Variants in DNAH14 observed in about 807,000 individuals in gnomAD.
DNAH14 encodes dynein axonemal heavy chain 14.
DNAH14 carries 478 observed loss-of-function variants against 520.9 expected under a neutral mutation model. The observed-to-expected ratio is 0.92, with a 90% CI of 0.85 to 0.99. DNAH14 has a LOEUF of 0.99. Ranked by LOEUF, DNAH14 falls within the 50% of genes least tolerant of loss-of-function variation. The pLI, the probability that DNAH14 is intolerant of heterozygous loss-of-function variation, is 0.00. For synonymous variants in DNAH14, 1,581 were observed against 1,757.2 expected, an observed-to-expected ratio of 0.90 and a Z score of 2.51; for missense variants, 4,831 against 5,234.5, an observed-to-expected ratio of 0.92 and a Z score of 2.38.
At chr1:225,095,593 C>T (rs1247373254) in intron 21 of DNAH14, among the ~76,000 whole-genome samples, 1 of 152,154 alleles carries the variant, frequency 6.6e-6, no homozygotes, top group Non-Finnish European at 1.5e-5. Context: ...TACCAAATCC[C>T]TGTGACACGC....
chr1:225,271,891 C>T lies in DNAH14; in HGVS notation c.7672-15C>T. 1.3e-6 allele frequency: 2 copies of T among 1,535,068 alleles called. No homozygotes were observed. Among genetic ancestry groups the T allele is most frequent in the African/African-American group, 2.8e-5 (2 of 72,024 alleles). The stretch of plus-strand genomic sequence containing the variant: ...AAATTTTTGGCAAGCTAAATTATAA[C>T]ATTTCTTTTTAAAGGCTCATTTGGG... On this transcript the variant is annotated splice_polypyrimidine_tract_variant and intron_variant, in intron 50 of 85. Transcript: ENST00000682510.
chr1:225,172,859 T>G (rs976052691), intron 36 of DNAH14, among the ~76,000 whole-genome samples: 5 of 152,284 alleles, frequency 3.3e-5, no homozygotes, highest in African/African-American at 1.2e-4. Context: ...CTTCAAACTA[T>G]ACTACAAGGC....
intron 71 of DNAH14, 120 bp downstream of exon 71, chr1:225,346,774 A>C: frequency 1.5e-6 from 1 of 661,682 alleles, no homozygotes. Context: ...CTTGAGGTCA[A>C]GCACCTCCAC....
chr1:225,153,550 C>G (rs2080722402), intron 33 of DNAH14, among the ~76,000 whole-genome samples, 200 bp from the exon 34 acceptor site: 1 of 151,994 alleles, frequency 6.6e-6, no homozygotes, highest in African/African-American at 2.4e-5. Flanking sequence ...ATTTGTTAGT[C>G]TTTAAGAGTG....
chr1:225,110,611 T>A (rs2076409195), intron 23 of DNAH14, among the ~76,000 whole-genome samples: 1 of 151,882 alleles, frequency 6.6e-6, no homozygotes, highest in African/African-American at 2.4e-5. Context: ...TTCTTTATGT[T>A]TTTTTCTAAA....
chr1:224,991,864 A>T (rs957829835), intron 8 of DNAH14, among the ~76,000 whole-genome samples: 13 of 152,298 alleles, frequency 8.5e-5, no homozygotes, highest in Admixed American at 2.6e-4. Flanking sequence ...AACATACGCG[A>T]AAAAGGTCAA....
intron 42 of DNAH14, among the ~76,000 whole-genome samples, chr1:225,240,024 C>T (rs1201424081): frequency 6.6e-6 from 1 of 151,278 alleles, no homozygotes; most frequent in Non-Finnish European, 1.5e-5. Context: ...GTGGAGAAGA[C>T]TCTCTCCAGA....
chr1:225,356,540 ATAG>A (rs2095431331), intron 73 of DNAH14, among the ~76,000 whole-genome samples: 2 of 152,214 alleles, frequency 1.3e-5, no homozygotes, highest in Non-Finnish European at 2.9e-5. Flanking sequence ...GATTATTGAC[ATAG>A]TAGTGACATG....
intron 60 of DNAH14, among the ~76,000 whole-genome samples, chr1:225,313,691 A>G (rs557532463): frequency 1.3e-5 from 2 of 152,116 alleles, no homozygotes; most frequent in Admixed American, 6.6e-5. Flanking sequence ...CCTTCATTTC[A>G]TTATTTACCC....
intron 66 of DNAH14, among the ~76,000 whole-genome samples, chr1:225,335,298 CAT>C (rs140267268): frequency 0.034 from 4,118 of 121,430 alleles, 333 homozygotes; most frequent in South Asian, 0.053. Flanking sequence ...CACATATACA[CAT>C]GTGTACACGT....
intron 35 of DNAH14, among the ~76,000 whole-genome samples, chr1:225,161,152 A>G (rs935581383): frequency 7.3e-5 from 11 of 151,710 alleles, no homozygotes; most frequent in African/African-American, 2.4e-4. Context: ...AACCATCCCC[A>G]CTTTCCTCCC....
chr1:225,132,545 G>A (rs1454723059), intron 27 of DNAH14, among the ~76,000 whole-genome samples: 1 of 152,124 alleles, frequency 6.6e-6, no homozygotes, highest in Non-Finnish European at 1.5e-5. Context: ...CAAAGGACAT[G>A]ATCTCATTCT....
At chr1:225,003,825 G>A (rs2063955183) in intron 9 of DNAH14, among the ~76,000 whole-genome samples, 1 of 152,038 alleles carries the variant, frequency 6.6e-6, no homozygotes, top group Non-Finnish European at 1.5e-5. Flanking sequence ...TATGTAGAAG[G>A]AAATAGGATA....
At chr1:225,098,164 T>A (rs1233107363) in intron 22 of DNAH14, among the ~76,000 whole-genome samples, 3 of 151,484 alleles carry the variant, frequency 2.0e-5, no homozygotes, top group African/African-American at 7.3e-5. Flanking sequence ...ACGATGGCAC[T>A]CCAGCCTGAA....
chr1:224,965,991 A>C (rs2061145051), intron 5 of DNAH14, among the ~76,000 whole-genome samples: 1 of 152,122 alleles, frequency 6.6e-6, no homozygotes, highest in African/African-American at 2.4e-5. Flanking sequence ...ATGCTTTTAT[A>C]ATTTGATTTT....
At chr1:225,126,094 T>C (rs1185019696) in intron 27 of DNAH14, among the ~76,000 whole-genome samples, 1 of 152,118 alleles carries the variant, frequency 6.6e-6, no homozygotes. Flanking sequence ...TCCCAAACAA[T>C]TACAATAGTA....
chr1:224,969,072 C>T (rs2061358432), intron 7 of DNAH14, 198 bp downstream of exon 7: 1 of 429,644 alleles, frequency 2.3e-6, no homozygotes, highest in Non-Finnish European at 4.2e-6. Flanking sequence ...ATTTAAGAAG[C>T]ATTTTTCCTT....
rs769978167 is a variant in DNAH14 at position 224,967,564 on chromosome 1, C to G, written c.632C>G (p.Thr211Ser). 9 of 1,601,860 alleles carry G rather than the reference C, an allele frequency of 5.6e-6. No homozygotes were observed. The African/African-American group carries it at 1.1e-4, about 19-fold the overall frequency. ...CATTGCAAAGAATTTTGGGTTATTA[C>G]TGCTTCATTTATCTCAAAGGTAATG... ...AKHCKEFWVI[T>S]ASFISKVINI... The change falls in exon 6 of 86, where the codon ACT (threonine) becomes AGT (serine). Residue 211 changes from threonine (T) to serine (S), a missense_variant. Transcript: ENST00000682510.
chr1:225,217,502 G>A lies in DNAH14; in HGVS notation c.6439+10282G>A, dbSNP rs142022910. Among the ~76,000 whole-genome samples the A allele has an allele frequency of 1.9e-3, 287 of 152,318 alleles. 2 individuals are homozygous for A. The highest frequency in any genetic ancestry group is 0.017 in the Admixed American group (258 of 15,296). On this transcript the variant is annotated intron_variant, in intron 41 of 85. Transcript: ENST00000682510. ...TCAGCTATGCCCTGCCCCCAGAGGTGGAATCTGCAGAGGCAGGCAGGCCTC... is the reference window on the plus strand; with the variant it reads ...TCAGCTATGCCCTGCCCCCAGAGGTAGAATCTGCAGAGGCAGGCAGGCCTC...
Sources: allele counts gnomAD v4.1 joint callset (sites outside exome capture counted in the v4.1 genomes callset), GRCh38; gene constraint gnomAD v4.1.1; transcripts MANE v1.5; gene names NCBI Gene and HGNC (gene_info 2026-07-23, HGNC 2026-07-21).